The following FARP1 variants were observed in gnomAD, a reference collection of about 807,000 sequenced individuals.
FARP1 encodes FERM, ARHGEF and pleckstrin domain-containing protein 1.
FARP1 carries 52 observed loss-of-function variants against 128.8 expected under a neutral mutation model. That is an observed-to-expected ratio of 0.40 (90% confidence interval 0.32 to 0.51). The LOEUF is 0.51. Ranked by LOEUF, FARP1 falls within the 20% of genes least tolerant of loss-of-function variation. The pLI is 0.45. For missense variants in FARP1, 1,333 were observed against 1,367.9 expected (o/e 0.97, Z 0.40); for synonymous variants, 580 against 551.8 (o/e 1.05, Z -0.72).
chr13:98,366,028 T>A (rs1594450056), intron 4 of FARP1, among the ~76,000 whole-genome samples: 1 of 152,088 alleles, frequency 6.6e-6, no homozygotes, highest in Non-Finnish European at 1.5e-5. Context: ...AGAAAAAGAA[T>A]GCTTCCTTTT....
intron 2 of FARP1, among the ~76,000 whole-genome samples, chr13:98,287,103 T>C (rs137926991): frequency 1.2e-4 from 18 of 151,894 alleles, no homozygotes; most frequent in African/African-American, 4.3e-4. Flanking sequence ...GCACTACAGA[T>C]ACAAAATGTT....
chr13:98,191,116 C>T (rs1022267776), intron 1 of FARP1, among the ~76,000 whole-genome samples: 2 of 152,156 alleles, frequency 1.3e-5, no homozygotes, highest in African/African-American at 4.8e-5. Flanking sequence ...AGGGAACTCC[C>T]GGGCCTACCC....
intron 5 of FARP1, among the ~76,000 whole-genome samples, chr13:98,368,630 A>G (rs1440442210): frequency 2.6e-5 from 4 of 152,176 alleles, no homozygotes; most frequent in Non-Finnish European, 5.9e-5. Flanking sequence ...ATTGAGTCAG[A>G]CCTGGCTTCG....
At chr13:98,352,225 C>A (rs1027057051) in intron 3 of FARP1, among the ~76,000 whole-genome samples, 1 of 152,066 alleles carries the variant, frequency 6.6e-6, no homozygotes, top group Non-Finnish European at 1.5e-5. Flanking sequence ...TGCACGCCAT[C>A]GGTGTGTGTT....
chr13:98,352,568 C>T (rs760185739), intron 3 of FARP1, among the ~76,000 whole-genome samples: 8 of 152,178 alleles, frequency 5.3e-5, no homozygotes, highest in Non-Finnish European at 2.9e-5. Context: ...CAAGGAAGCT[C>T]TGGGAGCTTT....
rs566048603 is a variant in FARP1, at chr13:98,227,258, A to G, written c.171+13845A>G. On this transcript the variant is annotated intron_variant, in intron 2 of 26. Coordinates refer to ENST00000319562, the MANE Select transcript of FARP1 (RefSeq NM_005766.4). ...CGCCCTGGCCTCCTGTTGCATTTCT[A>G]ACGTTCATGTTCATTCCGGCAAATG... is the stretch of plus-strand genomic sequence containing the variant. Among the ~76,000 whole-genome samples, 16 of 152,236 alleles carry G rather than the reference A, an allele frequency of 1.1e-4. No individual in the cohort carries two copies. In the South Asian group the frequency reaches 2.5e-3, roughly 24 times the overall value.
intron 1 of FARP1, among the ~76,000 whole-genome samples, chr13:98,192,726 G>C (rs1879318653): frequency 6.6e-6 from 1 of 152,068 alleles, no homozygotes; most frequent in African/African-American, 2.4e-5. Context: ...ATGATCTCCA[G>C]AAAAATTTCC....
chr13:98,244,511 C>A, intron 2 of FARP1: 1 of 1,614,206 alleles, frequency 6.2e-7, no homozygotes, highest in Non-Finnish European at 8.5e-7. Context: ...CATCCTCCTT[C>A]CTCAAAGCCA....
chr13:98,218,954 G>T (rs772097590), intron 2 of FARP1, among the ~76,000 whole-genome samples: 5 of 152,190 alleles, frequency 3.3e-5, no homozygotes, highest in Non-Finnish European at 7.3e-5. Flanking sequence ...TGTCAGAATC[G>T]CCTGTGCTAT....
chr13:98,296,732 G>T (rs1290155435), intron 2 of FARP1, among the ~76,000 whole-genome samples: 6 of 126,218 alleles, frequency 4.8e-5, no homozygotes, highest in East Asian at 2.4e-4. Flanking sequence ...CCCTCTGTCT[G>T]CCAGGCTAGA....
intron 1 of FARP1, among the ~76,000 whole-genome samples, chr13:98,147,823 A>C (rs774694): frequency 0.44 from 40,099 of 90,586 alleles, 6,397 homozygotes; most frequent in South Asian, 0.55. Flanking sequence ...CGCCCAGCTA[A>C]TTTTTTCTTT....
intron 2 of FARP1, among the ~76,000 whole-genome samples, chr13:98,272,901 G>C (rs930970391): frequency 6.6e-6 from 1 of 152,188 alleles, no homozygotes; most frequent in African/African-American, 2.4e-5. Flanking sequence ...TTTGTCAAAA[G>C]CTAGAAGGGC....
At chr13:98,179,214 G>A (rs1853333) in intron 1 of FARP1, among the ~76,000 whole-genome samples, 18,262 of 75,910 alleles carry the variant, frequency 0.24, 1,387 homozygotes, top group East Asian at 0.54. Flanking sequence ...GGCAGCAGAC[G>A]AGAACAGAAT....
chr13:98,433,283 A>G (rs1892119923), intron 18 of FARP1: 1 of 152,258 alleles, frequency 6.6e-6, no homozygotes, highest in South Asian at 2.1e-4. Context: ...GTTAATATCT[A>G]GAATATATGG....
intron 2 of FARP1, among the ~76,000 whole-genome samples, chr13:98,325,967 G>A (rs1002180339): frequency 6.6e-6 from 1 of 152,230 alleles, no homozygotes; most frequent in East Asian, 1.9e-4. Flanking sequence ...TCCCTGACAG[G>A]CTTAGAGGGA....
chr13:98,367,271 C>T (rs558774150), intron 4 of FARP1, among the ~76,000 whole-genome samples: 2 of 152,214 alleles, frequency 1.3e-5, no homozygotes, highest in South Asian at 4.2e-4. Flanking sequence ...AGTCTCATGC[C>T]TCAGCCTCCT....
At chr13:98,240,001 T>C (rs944095) in intron 2 of FARP1, among the ~76,000 whole-genome samples, 66,796 of 151,948 alleles carry the variant, frequency 0.44, 14,753 homozygotes, top group South Asian at 0.51. Context: ...GAGCAGGTGA[T>C]ATCCGTGGTG....
chr13:98,244,930 A>G lies in FARP1; in HGVS notation c.171+31517A>G, dbSNP rs1363961759. The G allele has an allele frequency of 7.3e-6, 10 of 1,368,784 alleles. No individual in the cohort carries two copies. In the African/African-American group the frequency reaches 8.8e-5, roughly 12 times the overall value. 84.8% of individuals were successfully genotyped at this position (1,368,784 alleles called of 1,614,324 possible). On this transcript the variant is annotated intron_variant, in intron 2 of 26. Transcript: ENST00000319562. ...TCCAGGAGGCTTGGTTTGATCTACT[A>G]GATTTGGTGCCTCTTAAAGGGAAGC... is the stretch of plus-strand genomic sequence containing the variant.
At chr13:98,430,435 C>G (rs1256248202) in intron 17 of FARP1, among the ~76,000 whole-genome samples, 2 of 152,170 alleles carry the variant, frequency 1.3e-5, no homozygotes, top group African/African-American at 4.8e-5. Flanking sequence ...TCCCTCCCAC[C>G]CAGGTGAATT....
Sources: allele counts gnomAD v4.1 joint callset (sites outside exome capture counted in the v4.1 genomes callset), GRCh38; gene constraint gnomAD v4.1.1; transcripts MANE v1.5; gene names NCBI Gene and HGNC (gene_info 2026-07-23, HGNC 2026-07-21).